BFSP1: variants seen among roughly 807,000 people sequenced by gnomAD.
BFSP1 encodes beaded filament structural protein 1, also known as filensin.
BFSP1 carries 38 observed loss-of-function variants against 43.9 expected under a neutral mutation model. That is an observed-to-expected ratio of 0.87 (90% CI 0.67 to 1.14). The LOEUF (loss-of-function observed/expected upper bound fraction) is 1.14, where lower values mean the gene tolerates loss of function less well. BFSP1 is among the 50% of genes most tolerant of loss of function. BFSP1 has a pLI of 0.00. For missense variants in BFSP1, 850 were observed against 875.1 expected (o/e 0.97, Z 0.36); for synonymous variants, 352 against 354.8 (o/e 0.99, Z 0.09).
chr20:17,567,920 G>C (rs1157475363), intron 1 of BFSP1, among the ~76,000 whole-genome samples: 2 of 151,682 alleles, frequency 1.3e-5, no homozygotes, highest in South Asian at 2.1e-4. Context: ...AAGGAACTAG[G>C]GGGGTGAAGG....
rs368630990 is a variant in BFSP1, at chr20:17,564,750, G to A, written n.51-1655C>T. 4.0e-5 allele frequency among the ~76,000 whole-genome samples: 6 copies of A among 151,770 alleles called. No homozygotes were observed. The South Asian group carries it at 6.2e-4, about 16-fold the overall frequency. On this transcript the variant is annotated intron_variant and non_coding_transcript_variant, in intron 1 of 6. Coordinates refer to the BFSP1 transcript ENST00000473415. ...ATTATAGGCACCCACTACCGCGTCC[G>A]GCTAATTTTTGTATTTTTAGTAGAG...
At chr20:17,545,488 G>A (rs1280971806) in intron 1 of BFSP1, among the ~76,000 whole-genome samples, 1 of 152,236 alleles carries the variant, frequency 6.6e-6, no homozygotes, top group Non-Finnish European at 1.5e-5. Flanking sequence ...GCCGGGCACG[G>A]TGGCTTATGC....
chr20:17,555,362 C>G (rs1178241097), intron 1 of BFSP1, among the ~76,000 whole-genome samples: 6 of 141,900 alleles, frequency 4.2e-5, no homozygotes, highest in African/African-American at 1.6e-4. Context: ...CAAACAATTA[C>G]AGAAACATGG....
chr20:17,502,340 T>A (rs2033823979), intron 5 of BFSP1, among the ~76,000 whole-genome samples: 2 of 152,110 alleles, frequency 1.3e-5, no homozygotes, highest in African/African-American at 4.8e-5. Flanking sequence ...AGAACCTCCA[T>A]CTAATCCTGA....
At chr20:17,499,099 C>T (rs1006817843) in intron 5 of BFSP1, 59 bp from the exon 6 acceptor site, 1 of 1,509,706 alleles carries the variant, frequency 6.6e-7, no homozygotes, top group East Asian at 2.3e-5. Flanking sequence ...AGAGACAGAC[C>T]TCACCAGGAA....
In BFSP1 at chr20:17,494,634, C is replaced by A. The variant is rs767136257; in HGVS notation, c.1438G>T (p.Val480Leu). 3.3e-5 allele frequency: 54 copies of A among 1,614,076 alleles called. No homozygotes were observed. Among genetic ancestry groups the A allele is most frequent in the Non-Finnish European group, 4.2e-5 (50 of 1,180,052 alleles). ...GAGGAGACATAGAATCTAGGGTCCA[C>A]GTAATTGGCATCCCCTGTGACCAGC... ...HVLVTGDANY[V>L]DPRFYVSSIT... The change falls in exon 8 of 8, where the codon GTG becomes TTG. Residue 480 changes from valine (V) to leucine (L), a missense_variant. Physicochemically the swap from Val to Leu is conservative, Grantham distance 32. Transcript: ENST00000377873.
intron 1 of BFSP1, among the ~76,000 whole-genome samples, chr20:17,527,698 A>C (rs1470455450): frequency 6.6e-6 from 1 of 152,170 alleles, no homozygotes; most frequent in Non-Finnish European, 1.5e-5. Context: ...ACTGCACTCC[A>C]GGCTGGGTGA....
chr20:17,499,536 C>G (rs989230259), intron 5 of BFSP1, among the ~76,000 whole-genome samples: 1 of 151,728 alleles, frequency 6.6e-6, no homozygotes, highest in Admixed American at 6.6e-5. Flanking sequence ...TGCGAGTCAC[C>G]GCACCCAGCC....
At chr20:17,557,965 T>TA in intron 1 of BFSP1, among the ~76,000 whole-genome samples, 1 of 152,278 alleles carries the variant, frequency 6.6e-6, no homozygotes, top group South Asian at 2.1e-4. Context: ...GAAGTTAAAG[T>TA]AATGCTGACT....
At chr20:17,562,755 CAAT>C (rs2035078944), upstream of BFSP1, among the ~76,000 whole-genome samples, 1 of 152,076 alleles carries the variant, frequency 6.6e-6, no homozygotes, top group Non-Finnish European at 1.5e-5. Context: ...ATAGAGAAAT[CAAT>C]AATGTCACCA....
chr20:17,509,092 C>T, intron 4 of BFSP1, 96 bp from the exon 5 acceptor site: 2 of 859,056 alleles, frequency 2.3e-6, no homozygotes, highest in Non-Finnish European at 1.7e-6. Flanking sequence ...ATATCCGTGT[C>T]CCCCTGAATT....
intron 1 of BFSP1, among the ~76,000 whole-genome samples, chr20:17,549,719 C>T (rs2034865751): frequency 6.6e-6 from 1 of 152,102 alleles, no homozygotes; most frequent in South Asian, 2.1e-4. Flanking sequence ...ACCTGTAATC[C>T]CAGCTACTCA....
At chr20:17,532,448 CT>C (rs1193527460), upstream of BFSP1, among the ~76,000 whole-genome samples, 5 of 149,482 alleles carry the variant, frequency 3.3e-5, no homozygotes, top group African/African-American at 1.2e-4. Flanking sequence ...TTGCTTTTTT[CT>C]TTTTCTTTTT....
intron 1 of BFSP1, chr20:17,558,627 A>C: frequency 6.6e-7 from 1 of 1,524,414 alleles, no homozygotes; most frequent in South Asian, 1.2e-5. Flanking sequence ...GAGTTCTTTA[A>C]AGCAAAAAGA....
At chr20:17,533,206 TAATA>T (rs1394769365), upstream of BFSP1, among the ~76,000 whole-genome samples, 2 of 152,038 alleles carry the variant, frequency 1.3e-5, no homozygotes, top group Non-Finnish European at 2.9e-5. Flanking sequence ...AAAATAAAAA[TAATA>T]AATAAAAATA....
At chr20:17,561,316 GT>G (rs2035064728), upstream of BFSP1, among the ~76,000 whole-genome samples, 1 of 152,086 alleles carries the variant, frequency 6.6e-6, no homozygotes, top group Non-Finnish European at 1.5e-5. Flanking sequence ...GGCTAACACA[GT>G]GAAACCCCGT....
Position 17,496,945 on chromosome 20 carries a change from A to G in BFSP1, c.1035T>C (p.Gly345=). ...SHGVSLSTGS[G]GKDLTRALQD... ...AGTGTTGGGGAGCGTTACCTTTCCC[A>G]CCGGATCCAGTGCTGAGAGAGACTC... The change falls in exon 7 of 8, where the codon GGT becomes GGC. Residue 345 remains glycine (G), a synonymous_variant. Transcript: ENST00000377873. 8.5e-6 allele frequency: 13 copies of G among 1,538,448 alleles called. No homozygotes were observed. The highest frequency in any genetic ancestry group is 1.1e-5 in the Non-Finnish European group (13 of 1,143,450).
chr20:17,524,757 C>T (rs2034384518), intron 2 of BFSP1, 91 bp downstream of exon 2: 2 of 1,407,716 alleles, frequency 1.4e-6, no homozygotes, highest in Non-Finnish European at 1.0e-6. Flanking sequence ...GCCAAAGTAA[C>T]ACAAAGAGGA....
At chr20:17,524,671 G>A (rs778783961) in intron 2 of BFSP1, among the ~76,000 whole-genome samples, 177 bp downstream of exon 2, 1 of 152,184 alleles carries the variant, frequency 6.6e-6, no homozygotes, top group Non-Finnish European at 1.5e-5. Context: ...GTGTATGGGT[G>A]TGTGAGTTCA....
Sources: allele counts gnomAD v4.1 joint callset (sites outside exome capture counted in the v4.1 genomes callset), GRCh38; gene constraint gnomAD v4.1.1; transcripts MANE v1.5; gene names NCBI Gene and HGNC (gene_info 2026-07-23, HGNC 2026-07-21).